Variants in GPC4 observed in about 807,000 individuals in gnomAD.
GPC4 encodes the protein glypican 4, also known as glypican-4.
A neutral mutation model predicts 35.0 loss-of-function variants in GPC4; 10 were observed. The observed-to-expected ratio is 0.29, with a 90% CI of 0.18 to 0.48. GPC4 has a LOEUF of 0.48. Ranked by LOEUF, GPC4 falls within the 20% of genes least tolerant of loss-of-function variation. The pLI is 0.99. For synonymous variants in GPC4, 167 were observed against 170.2 expected (o/e 0.98, Z 0.15); for missense variants, 322 against 451.3 (o/e 0.71, Z 2.60).
intron 3 of GPC4, among the ~76,000 whole-genome samples, chrX:133,323,308 G>A (rs989033933): frequency 7.2e-5 from 8 of 111,335 alleles, no homozygotes; most frequent in South Asian, 3.8e-4. Context: ...GTGAAACCCC[G>A]TCTCTACTAC....
At chrX:133,310,872 A>C (rs760166639) in intron 4 of GPC4, among the ~76,000 whole-genome samples, 1 of 111,416 alleles carries the variant, frequency 9.0e-6, no homozygotes, top group South Asian at 3.9e-4. Context: ...CATGCCTATA[A>C]TCCCAGGGCT....
chrX:133,369,595 A>G (rs2068603920), intron 1 of GPC4, among the ~76,000 whole-genome samples: 1 of 112,413 alleles, frequency 8.9e-6, no homozygotes, highest in Non-Finnish European at 1.9e-5. Flanking sequence ...ACTGAATTAA[A>G]CACCGAAGTA....
chrX:133,348,000 A>C (rs2068500811), intron 1 of GPC4, among the ~76,000 whole-genome samples: 1 of 112,303 alleles, frequency 8.9e-6, no homozygotes, highest in Non-Finnish European at 1.9e-5. Context: ...GCCAGTCAGA[A>C]ACACATACAT....
intron 1 of GPC4, among the ~76,000 whole-genome samples, chrX:133,361,354 C>G (rs1227635813): frequency 8.9e-6 from 1 of 111,915 alleles, no homozygotes; most frequent in Non-Finnish European, 1.9e-5. Context: ...ATAGCTGGTT[C>G]ATATTACTAA....
intron 3 of GPC4, among the ~76,000 whole-genome samples, chrX:133,316,384 T>C (rs1603060051): frequency 8.9e-6 from 1 of 111,781 alleles, no homozygotes; most frequent in African/African-American, 3.3e-5. Context: ...GTAGGTGTAC[T>C]TGACTTCCAT....
chrX:133,304,545 C>T (rs1773138642), intron 7 of GPC4, among the ~76,000 whole-genome samples, 180 bp downstream of exon 7: 2 of 111,869 alleles, frequency 1.8e-5, no homozygotes, highest in Admixed American at 9.5e-5. Context: ...TAACTGGGTG[C>T]CTTCTCAACA....
chrX:133,318,081 TGTGA>T (rs2068346914), intron 3 of GPC4, among the ~76,000 whole-genome samples: 1 of 111,734 alleles, frequency 8.9e-6, no homozygotes, highest in African/African-American at 3.3e-5. Flanking sequence ...ATTTTTGTTT[TGTGA>T]GTATGTAAAC....
In GPC4 at chrX:133,303,525, A is replaced by G. The variant is rs189234934; in HGVS notation, c.1293-184T>C. On this transcript the variant is annotated intron_variant, in intron 7 of 8. Coordinates refer to ENST00000370828, the MANE Select transcript of GPC4 (RefSeq NM_001448.3). ...ATTAGATGGAAGTTCTTTAATTCCT[A>G]ATGAACTCTAATCTTTCTTGTTCCT... is the stretch of plus-strand genomic sequence containing the variant. 5.4e-5 allele frequency among the ~76,000 whole-genome samples: 6 copies of G among 111,836 alleles called. No homozygotes were observed. In the Admixed American group the frequency reaches 5.7e-4, roughly 11 times the overall value.
chrX:133,357,702 CTG>C (rs2068548423), intron 1 of GPC4, among the ~76,000 whole-genome samples: 1 of 111,283 alleles, frequency 9.0e-6, no homozygotes, highest in Admixed American at 9.5e-5. Flanking sequence ...TGCTTACCAA[CTG>C]TGCAATTTTG....
intron 1 of GPC4, among the ~76,000 whole-genome samples, chrX:133,386,193 C>T (rs1008994082): frequency 1.9e-5 from 2 of 103,531 alleles, no homozygotes; most frequent in Non-Finnish European, 3.9e-5. Flanking sequence ...TATGATTGTA[C>T]CACTGCAGTC....
intron 1 of GPC4, among the ~76,000 whole-genome samples, chrX:133,362,683 G>A (rs190429307): frequency 4.5e-5 from 5 of 112,121 alleles, no homozygotes; most frequent in Admixed American, 3.8e-4. Flanking sequence ...AGCATTTCTG[G>A]AAGGAACAAA....
Position 133,301,110 on chromosome X carries a change from C to A in GPC4, c.*1757G>T, listed in dbSNP as rs1170162783. ...TCTAATAAAATTAAGCCTCTGTTTA[C>A]AACAGCCCCCAATATTCCATTTTGA... On this transcript the variant is annotated 3_prime_UTR_variant, in exon 9 of 9. Transcript: ENST00000370828. 1.8e-5 allele frequency: 2 copies of A among 112,355 alleles called. No homozygotes were observed. The highest frequency in any genetic ancestry group is 9.5e-5 in the Admixed American group (1 of 10,537). 9.3% of individuals were successfully genotyped at this position (112,355 alleles called of 1,213,427 possible).
chrX:133,336,480 A>C (rs1483030576), intron 2 of GPC4, among the ~76,000 whole-genome samples: 7 of 111,247 alleles, frequency 6.3e-5, no homozygotes, highest in Non-Finnish European at 1.1e-4. Flanking sequence ...GGTTGCAGTG[A>C]GCCGAGATTG....
intron 2 of GPC4, among the ~76,000 whole-genome samples, chrX:133,324,954 C>T (rs1347747620): frequency 1.8e-5 from 2 of 111,641 alleles, no homozygotes; most frequent in African/African-American, 6.5e-5. Flanking sequence ...GTTAACCATG[C>T]CTTCTAATTG....
At chrX:133,414,252 G>A (rs927602643) in intron 1 of GPC4, among the ~76,000 whole-genome samples, 2 of 109,370 alleles carry the variant, frequency 1.8e-5, no homozygotes, top group Non-Finnish European at 3.8e-5. Flanking sequence ...AAGAGAGGCG[G>A]GGAGAGAGTT....
intron 1 of GPC4, among the ~76,000 whole-genome samples, chrX:133,395,788 C>T (rs1488896183): frequency 2.7e-5 from 3 of 111,078 alleles, no homozygotes; most frequent in African/African-American, 9.8e-5. Flanking sequence ...GAGGGACCAA[C>T]AGATTTCTAT....
chrX:133,332,600 T>C (rs2068425788), intron 2 of GPC4, among the ~76,000 whole-genome samples: 1 of 111,793 alleles, frequency 8.9e-6, no homozygotes, highest in South Asian at 3.8e-4. Flanking sequence ...TGTTTCACCA[T>C]GTTGGCCAGG....
At chrX:133,403,029 C>G (rs1372100491) in intron 1 of GPC4, among the ~76,000 whole-genome samples, 1 of 110,394 alleles carries the variant, frequency 9.1e-6, no homozygotes, top group African/African-American at 3.3e-5. Flanking sequence ...GGGATTAAAA[C>G]AAACCACATG....
At chrX:133,335,710 G>A (rs913570270) in intron 2 of GPC4, among the ~76,000 whole-genome samples, 1 of 112,356 alleles carries the variant, frequency 8.9e-6, no homozygotes, top group Admixed American at 9.4e-5. Context: ...ATGATTTCTG[G>A]TAACAGAAGG....
Sources: allele counts gnomAD v4.1 joint callset (sites outside exome capture counted in the v4.1 genomes callset), GRCh38; gene constraint gnomAD v4.1.1; transcripts MANE v1.5; gene names NCBI Gene and HGNC (gene_info 2026-07-23, HGNC 2026-07-21).